Variants in IQUB observed in about 807,000 individuals in gnomAD.
IQUB encodes the protein IQ motif and ubiquitin-like domain-containing protein.
IQUB carries 86 observed loss-of-function variants against 86.4 expected under a neutral mutation model. The ratio of observed to expected loss-of-function variants is 1.00; its 90% CI spans 0.84 to 1.19. IQUB has a LOEUF of 1.19. Among genes scored for constraint, IQUB ranks in the 50% most tolerant of loss-of-function variants. The probability of loss-of-function intolerance (pLI) is 0.00; values close to 1 mark genes in which losing one functional copy is unlikely to be tolerated. For missense variants in IQUB, 946 were observed against 916.9 expected, an observed-to-expected ratio of 1.03 and a Z score of -0.41; for synonymous variants, 289 against 304.5, an observed-to-expected ratio of 0.95 and a Z score of 0.53.
chr7:123,471,643 T>C (rs1794527958), intron 8 of IQUB, among the ~76,000 whole-genome samples: 1 of 151,182 alleles, frequency 6.6e-6, no homozygotes, highest in South Asian at 2.1e-4. Flanking sequence ...CCCCCCCAAG[T>C]TTTTAGCCTA....
At chr7:123,528,822 AT>A (rs1267794318) in intron 1 of IQUB, among the ~76,000 whole-genome samples, 2 of 152,026 alleles carry the variant, frequency 1.3e-5, no homozygotes, top group South Asian at 2.1e-4. Flanking sequence ...TATTCAGCAG[AT>A]TTTTTTTCAC....
At chr7:123,488,244 G>A (rs1459139021) in intron 7 of IQUB, among the ~76,000 whole-genome samples, 1 of 151,798 alleles carries the variant, frequency 6.6e-6, no homozygotes, top group Non-Finnish European at 1.5e-5. Context: ...GGGAGGCTGA[G>A]GCAGGAGAAT....
chr7:123,459,418 C>G (rs923042975), intron 11 of IQUB, among the ~76,000 whole-genome samples: 10 of 151,892 alleles, frequency 6.6e-5, no homozygotes, highest in African/African-American at 2.4e-4. Context: ...TGGGCTTTAT[C>G]CAATCAGTTG....
intron 8 of IQUB, among the ~76,000 whole-genome samples, chr7:123,476,729 T>A (rs777106597): frequency 6.6e-6 from 1 of 151,328 alleles, no homozygotes; most frequent in Non-Finnish European, 1.5e-5. Flanking sequence ...ACCTGTCTCA[T>A]GACATCCTCC....
At chr7:123,519,125 A>G (rs552885395) in intron 1 of IQUB, among the ~76,000 whole-genome samples, 2 of 152,224 alleles carry the variant, frequency 1.3e-5, no homozygotes, top group African/African-American at 4.8e-5. Context: ...ATCTCACCCC[A>G]GTTAAAATGG....
At chr7:123,491,176 T>C (rs558497452) in intron 7 of IQUB, among the ~76,000 whole-genome samples, 106 of 151,936 alleles carry the variant, frequency 7.0e-4, no homozygotes, top group African/African-American at 2.4e-3. Context: ...TGAAAGAAAA[T>C]TTCAACTCAA....
chr7:123,523,054 T>C (rs1262127974), intron 1 of IQUB, among the ~76,000 whole-genome samples: 1 of 150,854 alleles, frequency 6.6e-6, no homozygotes, highest in Non-Finnish European at 1.5e-5. Flanking sequence ...TATGGCTGCA[T>C]AGTATTCCAT....
At chr7:123,521,643 T>G (rs1796908269) in intron 1 of IQUB, among the ~76,000 whole-genome samples, 2 of 90,482 alleles carry the variant, frequency 2.2e-5, no homozygotes. Flanking sequence ...TGAGACCCTG[T>G]CTAAATAAAC....
intron 1 of IQUB, among the ~76,000 whole-genome samples, chr7:123,515,103 AAAAC>A (rs1200051021): frequency 6.6e-6 from 1 of 152,186 alleles, no homozygotes; most frequent in African/African-American, 2.4e-5. Flanking sequence ...CAAAAAACAA[AAAAC>A]AAACAAACAA....
At chr7:123,469,074 T>C (rs1794401917) in intron 9 of IQUB, 140 bp downstream of exon 9, 1 of 497,498 alleles carries the variant, frequency 2.0e-6, no homozygotes, top group East Asian at 3.3e-5. Flanking sequence ...TTTAGGTAAA[T>C]ATTAATGCAT....
At position 123,452,261 on chromosome 7, in the gene IQUB, A is replaced by G. The variant is rs1793454679; in HGVS notation, c.*482T>C. ...GGTGAAAGCAGACGATAAACTGCAA[A>G]GATTCAAATGCCTATACTAAAATAT... On this transcript the variant is annotated 3_prime_UTR_variant, in exon 13 of 13. Coordinates refer to ENST00000324698, the MANE Select transcript of IQUB (RefSeq NM_178827.5). 6.6e-6 allele frequency: 1 copy of G among 152,178 alleles called. No homozygotes were observed. Among genetic ancestry groups the G allele is most frequent in the Non-Finnish European group, 1.5e-5 (1 of 68,052 alleles). The allele number at this position is 152,178 out of a possible 1,614,324, so 9.4% of individuals were successfully genotyped here. A position where few individuals can be genotyped will look rare whatever the true frequency, so the allele number is the denominator to read the frequency against.
chr7:123,490,889 G>A (rs892743327), intron 7 of IQUB, among the ~76,000 whole-genome samples: 1 of 151,770 alleles, frequency 6.6e-6, no homozygotes. Context: ...GCTTGAACCC[G>A]GGAGTCAGAG....
chr7:123,520,293 G>T (rs1171693513), intron 1 of IQUB, among the ~76,000 whole-genome samples: 6 of 151,840 alleles, frequency 4.0e-5, no homozygotes, highest in Non-Finnish European at 8.8e-5. Context: ...ATTTTGATCT[G>T]CAGTTTAAAA....
intron 10 of IQUB, 54 bp downstream of exon 10, chr7:123,464,779 C>T (rs1402441497): frequency 2.4e-6 from 3 of 1,240,288 alleles, no homozygotes; most frequent in South Asian, 3.3e-5. Context: ...CTTCAATTTA[C>T]TATACCACAT....
At chr7:123,526,035 G>A (rs533341794) in intron 1 of IQUB, among the ~76,000 whole-genome samples, 1 of 147,256 alleles carries the variant, frequency 6.8e-6, no homozygotes, top group Admixed American at 6.8e-5. Context: ...TTAATCCTGA[G>A]TTCTAGTTTG....
chr7:123,455,626 T>C (rs983459791), intron 12 of IQUB, among the ~76,000 whole-genome samples: 27 of 152,154 alleles, frequency 1.8e-4, no homozygotes, highest in African/African-American at 6.3e-4. Context: ...AGCTGGGTCA[T>C]TGAGACATTC....
chr7:123,525,352 G>C (rs1434469680), intron 1 of IQUB, among the ~76,000 whole-genome samples: 1 of 152,054 alleles, frequency 6.6e-6, no homozygotes, highest in Non-Finnish European at 1.5e-5. Flanking sequence ...TGGTTGGTAA[G>C]CTATTGATTA....
chr7:123,506,397 A>C (rs1313236174), intron 3 of IQUB, among the ~76,000 whole-genome samples: 2 of 152,188 alleles, frequency 1.3e-5, no homozygotes, highest in African/African-American at 2.4e-5. Context: ...ACATTGCTAT[A>C]AAGAACTACT....
chr7:123,484,014 T>C (rs533651733), intron 7 of IQUB, among the ~76,000 whole-genome samples: 1 of 152,080 alleles, frequency 6.6e-6, no homozygotes, highest in Non-Finnish European at 1.5e-5. Flanking sequence ...CTGCCTTTCA[T>C]AATATCTAGT....
Sources: allele counts gnomAD v4.1 joint callset (sites outside exome capture counted in the v4.1 genomes callset), GRCh38; gene constraint gnomAD v4.1.1; transcripts MANE v1.5; gene names NCBI Gene and HGNC (gene_info 2026-07-23, HGNC 2026-07-21).